UNCX: variants seen among roughly 807,000 people sequenced by gnomAD.
The protein encoded by UNCX is homeobox protein unc-4 homolog.
UNCX carries 4 observed loss-of-function variants against 14.8 expected under a neutral mutation model. The ratio of observed to expected loss-of-function variants is 0.27; its 90% confidence interval spans 0.13 to 0.62. UNCX has a LOEUF of 0.62. Ranked by LOEUF, UNCX falls within the 20% of genes least tolerant of loss-of-function variation. UNCX has a pLI of 0.86. For synonymous variants in UNCX, 459 were observed against 395.8 expected, an observed-to-expected ratio of 1.16 and a Z score of -1.90; for missense variants, 749 against 786.8, an observed-to-expected ratio of 0.95 and a Z score of 0.58.
In UNCX at chr7:1,236,581, G is replaced by C. The variant is rs1222699339; in HGVS notation, c.1200G>C (p.Ala400=). 7.2e-6 allele frequency: 9 copies of C among 1,254,968 alleles called. No homozygotes were observed. 77.7% of individuals were successfully genotyped at this position (1,254,968 alleles called of 1,614,324 possible). The stretch of plus-strand genomic sequence containing the variant: ...CGCAGGCCGCGCTCAAGGGCGGCGC[G>C]GGCCTGGAGCCGGCGCCCAAGGACG... ...LVPQAALKGG[A]GLEPAPKDAP... Residue 400 remains alanine, a synonymous_variant, in exon 3 of 3, where the codon GCG becomes GCC. Coordinates refer to ENST00000316333, the MANE Select transcript of UNCX (RefSeq NM_001080461.3). This position sits in a 1 kb window ranked among gnomAD's most constrained non-coding sequence, Gnocchi z 6.9.
chr7:1,233,427 G>T lies in UNCX; in HGVS notation c.275-93G>T. The T allele has an allele frequency of 1.2e-6, 1 of 831,294 alleles. No homozygotes were observed. The highest frequency in any genetic ancestry group is 1.5e-6 in the Non-Finnish European group (1 of 654,790). The allele number at this position is 831,294 out of a possible 1,614,324, so 51.5% of individuals were successfully genotyped here. A position where few individuals can be genotyped will look rare whatever the true frequency, so the allele number is the denominator to read the frequency against. On this transcript the variant is annotated intron_variant, in intron 1 of 2. Coordinates refer to ENST00000316333, the MANE Select transcript of UNCX (RefSeq NM_001080461.3). This position sits in a 1 kb window ranked among gnomAD's most constrained non-coding sequence, Gnocchi z 5.3. ...CGGCCGTCTCTGCGCCCCCCCCCCCGGATCCAGGCGGCCAGCGGGTAGCGG... is the reference window on the plus strand; with the variant it reads ...CGGCCGTCTCTGCGCCCCCCCCCCCTGATCCAGGCGGCCAGCGGGTAGCGG...
chr7:1,233,641 G>A lies in UNCX; in HGVS notation c.396G>A (p.Val132=), dbSNP rs1469173626. 1.9e-6 allele frequency: 3 copies of A among 1,612,732 alleles called. No homozygotes were observed. Among genetic ancestry groups the A allele is most frequent in the East Asian group, 2.2e-5 (1 of 44,800 alleles). ...KAFNESHYPD[V]FMREALALRL... is the part of the protein sequence containing the mutation. The stretch of plus-strand genomic sequence containing the variant: ...TCAACGAGAGCCACTATCCCGACGT[G>A]TTCATGCGCGAGGCGCTGGCGCTGC... The change falls in exon 2 of 3, where the codon GTG becomes GTA. Residue 132 remains valine, a synonymous_variant. Coordinates refer to ENST00000316333, the MANE Select transcript of UNCX (RefSeq NM_001080461.3). This position sits in a 1 kb window ranked among gnomAD's most constrained non-coding sequence, Gnocchi z 5.3.
rs752933901 is a variant in UNCX, at chr7:1,236,000, C to T, written c.619C>T (p.His207Tyr). 47 of 1,608,928 alleles carry T rather than the reference C, an allele frequency of 2.9e-5. No individual in the cohort carries two copies. Among genetic ancestry groups the T allele is most frequent in the Non-Finnish European group, 1.2e-5 (14 of 1,178,512 alleles). The change falls in exon 3 of 3, where the codon CAC becomes TAC. Residue 207 changes from histidine to tyrosine, a missense_variant. By Grantham distance (83) the His-to-Tyr change is moderately conservative. Around this residue, in one of 3 missense-constraint regions of UNCX, gnomAD observed 552 missense variants for 507.2 expected, o/e 1.09. Transcript: ENST00000316333. ...GAAGATGGAGAAGAAGAAGCGCAAG[C>T]ACGAGAAGAAGCTGCTGAAGAGCCA... ...LEKMEKKKRK[H>Y]EKKLLKSQGR...
In UNCX at chr7:1,236,287, T is replaced by A; in HGVS notation, c.906T>A (p.Pro302=). 1 of 1,376,988 alleles carries A rather than the reference T, an allele frequency of 7.3e-7. No individual in the cohort carries two copies. The highest frequency in any genetic ancestry group is 1.4e-5 in the South Asian group (1 of 71,588). The allele number at this position is 1,376,988 out of a possible 1,614,324, so 85.3% of individuals were successfully genotyped here. The change falls in exon 3 of 3, where the codon CCT becomes CCA. Residue 302 remains proline (P), a synonymous_variant. Transcript: ENST00000316333. The surrounding 1 kb of genome is among the most constrained non-coding windows in gnomAD (Gnocchi z 6.9). ...GCCCACAGCCGCGCCCAGGTCGCCC[T>A]GCGGACAAGGACGCGGCCTCGTGCG... ...GAGPQPRPGR[P]ADKDAASCGP...
chr7:1,236,387 A>G lies in UNCX; in HGVS notation c.1006A>G (p.Ser336Gly), dbSNP rs1778741842. ...CAAGGCCAGCCCATTCAGCGTGGAG[A>G]GCCTCCTGTCCGACTCGCCGCCGCG... ...LPKASPFSVE[S>G]LLSDSPPRRK... The change falls in exon 3 of 3, where the codon AGC (serine) becomes GGC (glycine). Residue 336 changes from serine to glycine, a missense_variant. By Grantham distance (56) the Ser-to-Gly change is moderately conservative. Coordinates refer to ENST00000316333, the MANE Select transcript of UNCX (RefSeq NM_001080461.3). The surrounding 1 kb of genome is among the most constrained non-coding windows in gnomAD (Gnocchi z 6.9). 7.3e-7 allele frequency: 1 copy of G among 1,371,994 alleles called. No homozygotes were observed. Among genetic ancestry groups the G allele is most frequent in the Non-Finnish European group, 9.4e-7 (1 of 1,060,132 alleles). 85.0% of individuals were successfully genotyped at this position (1,371,994 alleles called of 1,614,324 possible).
In UNCX at chr7:1,235,912, G is replaced by A. The variant is rs766683611; in HGVS notation, c.531G>A (p.Ser177=). 1.9e-6 allele frequency: 3 copies of A among 1,612,384 alleles called. No individual in the cohort carries two copies. Reference sequence around the variant, plus strand: ...GCCCGGGGCGGCCGGCGCACAACTCGCACCCGACCACGTGCAGCGGCGAGC... The same window carrying A: ...GCCCGGGGCGGCCGGCGCACAACTCACACCCGACCACGTGCAGCGGCGAGC... ...KKGPGRPAHN[S]HPTTCSGEPM... is the part of the protein sequence containing the mutation. The change falls in exon 3 of 3, where the codon TCG becomes TCA. Residue 177 remains serine, a synonymous_variant. Coordinates refer to ENST00000316333, the MANE Select transcript of UNCX (RefSeq NM_001080461.3).
chr7:1,232,888 G>C lies in UNCX; in HGVS notation c.-130G>C, dbSNP rs1169881332. 1.4e-5 allele frequency: 5 copies of C among 350,786 alleles called. No individual in the cohort carries two copies. Among genetic ancestry groups the C allele is most frequent in the Non-Finnish European group, 2.0e-5 (5 of 250,554 alleles). 21.7% of individuals were successfully genotyped at this position (350,786 alleles called of 1,614,324 possible). The stretch of plus-strand genomic sequence containing the variant: ...TTGATAAGTAAAGCGCCGGAGTGCG[G>C]GCGAAGCATGTGTGGGGCTCCGGGT... On this transcript the variant is annotated 5_prime_UTR_variant, in exon 1 of 3. Transcript: ENST00000316333.
Position 1,233,272 on chromosome 7 carries a change from C to G in UNCX, c.255C>G (p.Gly85=), listed in dbSNP as rs991988458. The part of the protein sequence containing the change: ...LPAACGVGGD[G]QPFKLSDSGD... ...CCGCCTGCGGGGTCGGCGGGGACGG[C>G]CAGCCCTTCAAGCTGTCAGGTAGGC... The change falls in exon 1 of 3, where the codon GGC becomes GGG. Residue 85 remains glycine, a synonymous_variant. Transcript: ENST00000316333. The surrounding 1 kb of genome is among the most constrained non-coding windows in gnomAD (Gnocchi z 5.3). The G allele has an allele frequency of 1.5e-6, 2 of 1,339,880 alleles. No homozygotes were observed. The highest frequency in any genetic ancestry group is 1.9e-6 in the Non-Finnish European group (2 of 1,053,318). 83.0% of individuals were successfully genotyped at this position (1,339,880 alleles called of 1,614,324 possible). A position where few individuals can be genotyped will look rare whatever the true frequency, so the allele number is the denominator to read the frequency against.
chr7:1,236,161 C>T lies in UNCX; in HGVS notation c.780C>T (p.His260=). 1.7e-6 allele frequency: 2 copies of T among 1,195,954 alleles called. No individual in the cohort carries two copies. Among genetic ancestry groups the T allele is most frequent in the Non-Finnish European group, 2.1e-6 (2 of 962,110 alleles). The allele number at this position is 1,195,954 out of a possible 1,614,324, so 74.1% of individuals were successfully genotyped here. A position where few individuals can be genotyped will look rare whatever the true frequency, so the allele number is the denominator to read the frequency against. The change falls in exon 3 of 3, where the codon CAC becomes CAT. Residue 260 remains histidine (H), a synonymous_variant. Transcript: ENST00000316333. This position sits in a 1 kb window ranked among gnomAD's most constrained non-coding sequence, Gnocchi z 6.9. ...CCGCCGCCAAGGGCCCCGGAGCGCA[C>T]GCCTCGGGCGCCGCGGGGACCGCGC... The part of the protein sequence containing the change: ...PPPAAKGPGA[H]ASGAAGTAPA...
At position 1,236,197 on chromosome 7, in the gene UNCX, C is replaced by A. The variant is rs768743283; in HGVS notation, c.816C>A (p.Pro272=). 7.7e-7 allele frequency: 1 copy of A among 1,305,850 alleles called. No homozygotes were observed. Among genetic ancestry groups the A allele is most frequent in the South Asian group, 1.5e-5 (1 of 67,730 alleles). 80.9% of individuals were successfully genotyped at this position (1,305,850 alleles called of 1,614,324 possible). Residue 272 remains proline, a synonymous_variant, in exon 3 of 3, where the codon CCC becomes CCA. Transcript: ENST00000316333. The surrounding 1 kb of genome is among the most constrained non-coding windows in gnomAD (Gnocchi z 6.9). ...CCGCGGGGACCGCGCCCGCCCCTCC[C>A]GGCGAGCCGCCTGCACCCGGCACCT... ...SGAAGTAPAP[P]GEPPAPGTCD...
chr7:1,234,601 C>T (rs1177463897), intron 2 of UNCX, among the ~76,000 whole-genome samples: 1 of 150,628 alleles, frequency 6.6e-6, no homozygotes, highest in African/African-American at 2.4e-5. Context: ...GTTTGTCCTG[C>T]GCTTGGACCT....
rs938250058 is a variant in UNCX, at chr7:1,236,347, C to T, written c.966C>T (p.Gly322=). The T allele has an allele frequency of 6.2e-6, 8 of 1,299,878 alleles. No homozygotes were observed. In the African/African-American group the frequency reaches 9.5e-5, roughly 15 times the overall value. The allele number at this position is 1,299,878 out of a possible 1,614,324, so 80.5% of individuals were successfully genotyped here. ...CCGCTGTGGCGGCGGTGGAGCGCGG[C>T]GCCGCGGGGCTGCCCAAGGCCAGCC... ...PGAAVAAVER[G]AAGLPKASPF... Residue 322 remains glycine, a synonymous_variant, in exon 3 of 3, where the codon GGC becomes GGT. Coordinates refer to ENST00000316333, the MANE Select transcript of UNCX (RefSeq NM_001080461.3). The surrounding 1 kb of genome is among the most constrained non-coding windows in gnomAD (Gnocchi z 6.9).
rs1778740731 is a variant in UNCX at position 1,236,341 on chromosome 7, G to C, written c.960G>C (p.Glu320Asp). 3 of 1,296,728 alleles carry C rather than the reference G, an allele frequency of 2.3e-6. No homozygotes were observed. The highest frequency in any genetic ancestry group is 2.9e-6 in the Non-Finnish European group (3 of 1,022,170). 80.3% of individuals were successfully genotyped at this position (1,296,728 alleles called of 1,614,324 possible). Reference protein sequence around the residue: ...CGPGAAVAAVERGAAGLPKAS... With the variant: ...CGPGAAVAAVDRGAAGLPKAS... Reference sequence around the variant, plus strand: ...CAGGGGCCGCTGTGGCGGCGGTGGAGCGCGGCGCCGCGGGGCTGCCCAAGG... The same window carrying C: ...CAGGGGCCGCTGTGGCGGCGGTGGACCGCGGCGCCGCGGGGCTGCCCAAGG... The change falls in exon 3 of 3, where the codon GAG (glutamate) becomes GAC (aspartate). Residue 320 changes from glutamate (E) to aspartate (D), a missense_variant. By Grantham distance (45) the Glu-to-Asp change is conservative. Coordinates refer to ENST00000316333, the MANE Select transcript of UNCX (RefSeq NM_001080461.3). This position sits in a 1 kb window ranked among gnomAD's most constrained non-coding sequence, Gnocchi z 6.9.
chr7:1,235,131 C>G (rs1778713736), intron 2 of UNCX, among the ~76,000 whole-genome samples: 1 of 152,168 alleles, frequency 6.6e-6, no homozygotes, highest in African/African-American at 2.4e-5. Flanking sequence ...CTTGCCTCCC[C>G]ACCTGCCTTG....
At position 1,236,882 on chromosome 7, in the gene UNCX, A is replaced by C. The variant is rs931396275; in HGVS notation, c.1501A>C (p.Ser501Arg). ...PSPRPGPRPPSPAEEPATCGV... is the reference protein window; with the variant it reads ...PSPRPGPRPPRPAEEPATCGV... Reference sequence around the variant, plus strand: ...GCCCAGGCCCGGCCCTCGGCCTCCCAGCCCCGCCGAGGAGCCGGCCACCTG... The same window carrying C: ...GCCCAGGCCCGGCCCTCGGCCTCCCCGCCCCGCCGAGGAGCCGGCCACCTG... Residue 501 changes from serine to arginine, a missense_variant, in exon 3 of 3, where the codon AGC (serine) becomes CGC (arginine). This residue lies in a region of UNCX where 552 missense variants were observed against 507.2 expected (regional missense o/e 1.09). Coordinates refer to ENST00000316333, the MANE Select transcript of UNCX (RefSeq NM_001080461.3). This position sits in a 1 kb window ranked among gnomAD's most constrained non-coding sequence, Gnocchi z 6.9. The C allele has an allele frequency of 1.8e-6, 2 of 1,103,350 alleles. No individual in the cohort carries two copies. The highest frequency in any genetic ancestry group is 2.2e-6 in the Non-Finnish European group (2 of 907,060). The allele number at this position is 1,103,350 out of a possible 1,614,324, so 68.3% of individuals were successfully genotyped here. A position where few individuals can be genotyped will look rare whatever the true frequency, so the allele number is the denominator to read the frequency against.
chr7:1,234,639 T>G (rs905662188), intron 2 of UNCX, among the ~76,000 whole-genome samples: 1 of 148,210 alleles, frequency 6.7e-6, no homozygotes, highest in Non-Finnish European at 1.5e-5. Context: ...TGCTTGGAAA[T>G]CCTTTCATCC....
intron 2 of UNCX, among the ~76,000 whole-genome samples, chr7:1,234,363 C>T (rs970235972): frequency 2.6e-5 from 4 of 152,100 alleles, no homozygotes; most frequent in Admixed American, 1.3e-4. Context: ...TTGGAGATGG[C>T]TGATGGTATT....
Position 1,236,814 on chromosome 7 carries a change from ACGCGGGGACCGCCGG to A in UNCX, c.1435_1449del (p.Ala479_Gly483del). The A allele has an allele frequency of 2.0e-6, 2 of 984,218 alleles. No individual in the cohort carries two copies. The highest frequency in any genetic ancestry group is 9.1e-5 in the South Asian group (2 of 21,986). 61.0% of individuals were successfully genotyped at this position (984,218 alleles called of 1,614,324 possible). A position where few individuals can be genotyped will look rare whatever the true frequency, so the allele number is the denominator to read the frequency against. ...GAGGGCGGCGGCGGGGACTGCGCGG[ACGCGGGGACCGCCGG>A]CCCCGCGCCCCCGCCGCCCGCGCCG... On this transcript the variant is annotated inframe_deletion, in exon 3 of 3. Coordinates refer to ENST00000316333, the MANE Select transcript of UNCX (RefSeq NM_001080461.3). The surrounding 1 kb of genome is among the most constrained non-coding windows in gnomAD (Gnocchi z 6.9).
In UNCX at chr7:1,236,772, C is replaced by T; in HGVS notation, c.1391C>T (p.Ala464Val). 1.0e-6 allele frequency: 1 copy of T among 987,880 alleles called. No homozygotes were observed. The allele number at this position is 987,880 out of a possible 1,614,324, so 61.2% of individuals were successfully genotyped here. The change falls in exon 3 of 3, where the codon GCC (alanine) becomes GTC (valine). Residue 464 changes from alanine to valine, a missense_variant. Ala to Val is a moderately conservative substitution (Grantham distance 64). Coordinates refer to ENST00000316333, the MANE Select transcript of UNCX (RefSeq NM_001080461.3). This position sits in a 1 kb window ranked among gnomAD's most constrained non-coding sequence, Gnocchi z 6.9. ...APAPAPFRDL[A>V]SAAATEGGGG... ...GCCCCGGCGCCTTTCCGGGACCTCGCCTCGGCAGCGGCTACCGAGGGCGGC... is the reference window on the plus strand; with the variant it reads ...GCCCCGGCGCCTTTCCGGGACCTCGTCTCGGCAGCGGCTACCGAGGGCGGC...
Sources: gnomAD v4.1 joint callset for allele counts (sites outside exome capture counted in the v4.1 genomes callset) on GRCh38, gnomAD v4.1.1 for gene constraint, gnomAD v4.1.1 regional missense constraint, Gnocchi (gnomAD v3.1) non-coding constraint, MANE v1.5 for transcripts, NCBI Gene and HGNC (gene_info 2026-07-23, HGNC 2026-07-21) for gene names.